The following EDIL3 variants were observed in gnomAD, a reference collection of about 807,000 sequenced individuals.
EDIL3 encodes EGF like and discoidin domains 3.
EDIL3 carries 37 observed loss-of-function variants against 67.4 expected under a neutral mutation model. The ratio of observed to expected loss-of-function variants is 0.55; its 90% CI spans 0.42 to 0.72. EDIL3 has a LOEUF of 0.72. Ranked by LOEUF, EDIL3 falls within the 30% of genes least tolerant of loss-of-function variation. The probability of loss-of-function intolerance (pLI) is 0.00; values close to 1 mark genes in which losing one functional copy is unlikely to be tolerated. For synonymous variants in EDIL3, 195 were observed against 196.3 expected (o/e 0.99, Z 0.05); for missense variants, 527 against 586.3 (o/e 0.90, Z 1.04).
At chr5:84,009,475 T>G (rs988872910) in intron 9 of EDIL3, among the ~76,000 whole-genome samples, 1 of 152,172 alleles carries the variant, frequency 6.6e-6, no homozygotes, top group Admixed American at 6.5e-5. Context: ...ATAACAAATA[T>G]GTTTAACATA....
At position 84,340,530 on chromosome 5, in the gene EDIL3, CTCTCTATATATA is replaced by C. The variant is rs1398385979; in HGVS notation, c.67+43766_67+43777del. Reference sequence around the variant, plus strand: ...TCTCTCTCTCTCTCTCTCTCTCTCTCTCTCTATATATATATATATATATATATATATATATAT... The same window carrying C: ...TCTCTCTCTCTCTCTCTCTCTCTCTCTATATATATATATATATATATATAT... On this transcript the variant is annotated intron_variant, in intron 1 of 10. Transcript: ENST00000296591. 8.4e-3 allele frequency among the ~76,000 whole-genome samples: 588 copies of C among 69,696 alleles called. 2 individuals carry two copies. Among genetic ancestry groups the C allele is most frequent in the East Asian group, 0.019 (52 of 2,732 alleles). The allele number at this position is 69,696 out of a possible 152,430, so 45.7% of individuals were successfully genotyped here. A position where few individuals can be genotyped will look rare whatever the true frequency, so the allele number is the denominator to read the frequency against.
chr5:84,257,334 G>T (rs1745139995), intron 1 of EDIL3, among the ~76,000 whole-genome samples: 1 of 152,168 alleles, frequency 6.6e-6, no homozygotes, highest in Non-Finnish European at 1.5e-5. Context: ...TTATATCTTA[G>T]AGATGCCAAC....
chr5:84,270,838 G>A (rs1745457509), intron 1 of EDIL3, among the ~76,000 whole-genome samples: 1 of 152,056 alleles, frequency 6.6e-6, no homozygotes, highest in Non-Finnish European at 1.5e-5. Context: ...CCGTGGAGAA[G>A]GCAGACATGA....
intron 1 of EDIL3, among the ~76,000 whole-genome samples, chr5:84,262,736 A>T (rs1580040548): frequency 8.3e-6 from 1 of 120,270 alleles, no homozygotes; most frequent in African/African-American, 3.2e-5. Context: ...CAGTAGTATG[A>T]TCTTGGCTCA....
chr5:84,122,363 TTTATTA>T (rs1459280430), intron 5 of EDIL3, among the ~76,000 whole-genome samples: 1 of 151,754 alleles, frequency 6.6e-6, no homozygotes, highest in South Asian at 2.1e-4. Flanking sequence ...AGAGTATCTT[TTTATTA>T]TTATTATTAT....
intron 9 of EDIL3, among the ~76,000 whole-genome samples, chr5:83,980,833 T>TTTCTA (rs1744958123): frequency 6.6e-6 from 1 of 151,454 alleles, no homozygotes; most frequent in South Asian, 2.1e-4. Context: ...GTCAACTGGT[T>TTTCTA]TTCTATATCC....
chr5:83,971,853 A>G lies in EDIL3; in HGVS notation c.1138-8493T>C, dbSNP rs78634689. Among the ~76,000 whole-genome samples the G allele has an allele frequency of 4.6e-3, 707 of 152,190 alleles. 3 individuals carry two copies. Among genetic ancestry groups the G allele is most frequent in the Non-Finnish European group, 8.1e-3 (548 of 67,988 alleles). ...CAGTACAGTTTATCTGGTCTAAAGCACAAGACTCTCCTCCTCTTGCTGTTT... is the reference window on the plus strand; with the variant it reads ...CAGTACAGTTTATCTGGTCTAAAGCGCAAGACTCTCCTCCTCTTGCTGTTT... On this transcript the variant is annotated intron_variant, in intron 9 of 10. Coordinates refer to ENST00000296591, the MANE Select transcript of EDIL3 (RefSeq NM_005711.5).
intron 6 of EDIL3, 36 bp downstream of exon 6, chr5:84,106,613 C>T (rs1554068141): frequency 6.6e-7 from 1 of 1,523,592 alleles, no homozygotes; most frequent in South Asian, 1.3e-5. Flanking sequence ...TTAAAAATGA[C>T]TTATAACATT....
intron 1 of EDIL3, among the ~76,000 whole-genome samples, chr5:84,323,761 A>C (rs534273274): frequency 1.6e-4 from 25 of 152,088 alleles, no homozygotes; most frequent in African/African-American, 5.8e-4. Context: ...AAGAGAGCAG[A>C]GGTGGATACA....
At chr5:83,996,714 T>C (rs1745244387) in intron 9 of EDIL3, among the ~76,000 whole-genome samples, 1 of 152,174 alleles carries the variant, frequency 6.6e-6, no homozygotes, top group South Asian at 2.1e-4. Context: ...TTCCACAGGA[T>C]GCAATAAAAG....
intron 9 of EDIL3, among the ~76,000 whole-genome samples, chr5:84,012,582 C>T (rs1300919012): frequency 6.6e-6 from 1 of 152,054 alleles, no homozygotes. Flanking sequence ...TGGAAAAATG[C>T]CTGCTTAATA....
intron 2 of EDIL3, among the ~76,000 whole-genome samples, chr5:84,237,230 A>G (rs907926243): frequency 1.3e-5 from 2 of 152,260 alleles, no homozygotes; most frequent in Admixed American, 1.3e-4. Flanking sequence ...GAGCTAATCT[A>G]AAAAGCAAAT....
chr5:84,299,069 C>A (rs1014610358), intron 1 of EDIL3, among the ~76,000 whole-genome samples: 1 of 152,174 alleles, frequency 6.6e-6, no homozygotes, highest in African/African-American at 2.4e-5. Flanking sequence ...AAATGAAATA[C>A]TGTGAAGGAC....
intron 9 of EDIL3, among the ~76,000 whole-genome samples, chr5:84,009,751 A>G (rs995173426): frequency 6.6e-6 from 1 of 152,214 alleles, no homozygotes; most frequent in African/African-American, 2.4e-5. Flanking sequence ...GTCTCTAAGC[A>G]TGACTGGAAA....
chr5:84,004,887 T>C (rs748978144), intron 9 of EDIL3, among the ~76,000 whole-genome samples: 1 of 151,910 alleles, frequency 6.6e-6, no homozygotes, highest in Admixed American at 6.6e-5. Context: ...AAAAGACTAA[T>C]AAATTCAAAA....
At chr5:84,144,287 TTCCTTCC>T (rs1239090655) in intron 4 of EDIL3, among the ~76,000 whole-genome samples, 3 of 143,694 alleles carry the variant, frequency 2.1e-5, no homozygotes. Flanking sequence ...CCTTCCTTCC[TTCCTTCC>T]TCCCTTCCTC....
chr5:84,234,204 T>C (rs1744635943), intron 2 of EDIL3, among the ~76,000 whole-genome samples: 1 of 152,212 alleles, frequency 6.6e-6, no homozygotes, highest in Admixed American at 6.5e-5. Context: ...TTCAGTGCTT[T>C]ATTTTTCCAG....
intron 7 of EDIL3, among the ~76,000 whole-genome samples, chr5:84,065,307 C>A (rs1746617867): frequency 6.6e-6 from 1 of 152,128 alleles, no homozygotes; most frequent in Non-Finnish European, 1.5e-5. Context: ...AGGTTTGACT[C>A]ATGAAGATTA....
At chr5:84,281,929 C>G (rs771905845) in intron 1 of EDIL3, among the ~76,000 whole-genome samples, 3 of 131,954 alleles carry the variant, frequency 2.3e-5, no homozygotes, top group African/African-American at 8.8e-5. Flanking sequence ...TGCAGTGGTG[C>G]GATCTCGGCT....
Sources: gnomAD v4.1 joint callset for allele counts (sites outside exome capture counted in the v4.1 genomes callset) on GRCh38, gnomAD v4.1.1 for gene constraint, MANE v1.5 for transcripts, NCBI Gene and HGNC (gene_info 2026-07-23, HGNC 2026-07-21) for gene names.